Variants in PAFAH1B1 observed in about 807,000 individuals in gnomAD.
PAFAH1B1 encodes the protein platelet activating factor acetylhydrolase 1b regulatory subunit 1, also known as platelet-activating factor acetylhydrolase IB subunit beta.
In PAFAH1B1, 2 loss-of-function variants were observed where a neutral mutation model predicts 57.5. The ratio of observed to expected loss-of-function variants is 0.03; its 90% CI spans 0.01 to 0.11. The LOEUF (loss-of-function observed/expected upper bound fraction) is 0.11. PAFAH1B1 is among the 10% of genes least tolerant of loss of function. The pLI, the probability that PAFAH1B1 is intolerant of heterozygous loss-of-function variation, is 1.00. For missense variants in PAFAH1B1, 257 were observed against 512.0 expected (o/e 0.50, Z 4.81); for synonymous variants, 152 against 169.6 (o/e 0.90, Z 0.81).
intron 2 of PAFAH1B1, among the ~76,000 whole-genome samples, chr17:2,645,352 C>G (rs992053403): frequency 4.0e-5 from 6 of 151,838 alleles, no homozygotes; most frequent in Non-Finnish European, 7.4e-5. Context: ...CATCCCAGCA[C>G]TTTGGGAGGC....
intron 2 of PAFAH1B1, among the ~76,000 whole-genome samples, chr17:2,649,456 C>G (rs2068819562): frequency 6.6e-6 from 1 of 151,370 alleles, no homozygotes; most frequent in African/African-American, 2.4e-5. Flanking sequence ...CGCCTGTAGT[C>G]CCACATACTT....
intron 6 of PAFAH1B1, among the ~76,000 whole-genome samples, chr17:2,671,440 C>G (rs2069179724): frequency 6.6e-6 from 1 of 152,056 alleles, no homozygotes. Context: ...AACTCCTGAC[C>G]TCCTGATCTG....
chr17:2,646,223 T>C (rs1246933154), intron 2 of PAFAH1B1, among the ~76,000 whole-genome samples: 1 of 152,150 alleles, frequency 6.6e-6, no homozygotes, highest in African/African-American at 2.4e-5. Context: ...ACTAGCTTTT[T>C]AAAAAGACCA....
At chr17:2,627,647 G>A (rs1050435721) in intron 1 of PAFAH1B1, among the ~76,000 whole-genome samples, 2 of 152,118 alleles carry the variant, frequency 1.3e-5, no homozygotes, top group Admixed American at 1.3e-4. Flanking sequence ...TTTTGATGGG[G>A]ATTGTGTTGA....
intron 2 of PAFAH1B1, among the ~76,000 whole-genome samples, chr17:2,642,661 C>T (rs764163927): frequency 3.9e-5 from 6 of 152,170 alleles, no homozygotes; most frequent in African/African-American, 1.4e-4. Flanking sequence ...CATACTTCCA[C>T]GAAGACCAGA....
intron 6 of PAFAH1B1, 43 bp from the exon 7 acceptor site, chr17:2,672,611 TG>T: frequency 7.9e-7 from 1 of 1,261,868 alleles, no homozygotes; most frequent in South Asian, 1.2e-5. Context: ...TCATTGCTCT[TG>T]GTGGTATATT....
At chr17:2,664,488 C>T (rs1423049117) in intron 2 of PAFAH1B1, among the ~76,000 whole-genome samples, 1 of 150,356 alleles carries the variant, frequency 6.7e-6, no homozygotes, top group Non-Finnish European at 1.5e-5. Flanking sequence ...TCACTGCAAT[C>T]TCCGCCTCCC....
rs374711300 is a variant in PAFAH1B1 at position 2,671,845 on chromosome 17, C to T, written c.569-810C>T. ...CTTGAACTCCTGACCTCAGGTGATC[C>T]GCCCGCCTCGGCCTCCCAAAGTGCT... On this transcript the variant is annotated intron_variant, in intron 6 of 10. Transcript: ENST00000397195. 2.0e-3 allele frequency among the ~76,000 whole-genome samples: 303 copies of T among 151,742 alleles called. 1 individual carries two copies. The South Asian group carries it at 0.025, about 12-fold the overall frequency.
intron 1 of PAFAH1B1, among the ~76,000 whole-genome samples, chr17:2,634,410 T>G (rs1316436729): frequency 1.3e-5 from 2 of 152,186 alleles, no homozygotes; most frequent in Non-Finnish European, 2.9e-5. Flanking sequence ...GTCCTGAGAT[T>G]ACAGGCATGA....
At chr17:2,666,896 T>TA in intron 4 of PAFAH1B1, 96 bp from the exon 5 acceptor site, 1 of 812,224 alleles carries the variant, frequency 1.2e-6, no homozygotes, top group Admixed American at 2.1e-5. Flanking sequence ...TCAAGTATCC[T>TA]ACATACATAG....
intron 1 of PAFAH1B1, among the ~76,000 whole-genome samples, chr17:2,625,249 G>A (rs1239453541): frequency 1.3e-5 from 2 of 152,064 alleles, no homozygotes; most frequent in African/African-American, 2.4e-5. Flanking sequence ...TCTGGATATT[G>A]ACATGCAAAT....
intron 2 of PAFAH1B1, among the ~76,000 whole-genome samples, chr17:2,646,777 T>A (rs536327193): frequency 8.5e-5 from 13 of 152,126 alleles, no homozygotes; most frequent in Non-Finnish European, 1.8e-4. Flanking sequence ...TAGAGAACAT[T>A]GTAACATTAA....
chr17:2,638,287 A>G lies in PAFAH1B1; in HGVS notation c.-2A>G. On this transcript the variant is annotated 5_prime_UTR_variant, in exon 2 of 11. Transcript: ENST00000397195. ...TCAGATAAGCTTGACATTACAGCCAAGATGGTGCTGTCCCAGAGACAACGA... is the reference window on the plus strand; with the variant it reads ...TCAGATAAGCTTGACATTACAGCCAGGATGGTGCTGTCCCAGAGACAACGA... The G allele has an allele frequency of 6.2e-7, 1 of 1,612,460 alleles. No individual in the cohort carries two copies. Among genetic ancestry groups the G allele is most frequent in the African/African-American group, 1.3e-5 (1 of 75,006 alleles).
chr17:2,632,253 T>C (rs550960058), intron 1 of PAFAH1B1, among the ~76,000 whole-genome samples: 155 of 152,326 alleles, frequency 1.0e-3, no homozygotes, highest in African/African-American at 3.4e-3. Flanking sequence ...TGAAAGATTT[T>C]TAAAAATAGC....
At chr17:2,626,811 C>T (rs2068500093) in intron 1 of PAFAH1B1, among the ~76,000 whole-genome samples, 1 of 152,074 alleles carries the variant, frequency 6.6e-6, no homozygotes, top group Non-Finnish European at 1.5e-5. Flanking sequence ...CATCGACCTC[C>T]CAGAGTGCTG....
chr17:2,604,424 G>C (rs1362722470), intron 1 of PAFAH1B1, among the ~76,000 whole-genome samples: 2 of 152,178 alleles, frequency 1.3e-5, no homozygotes, highest in African/African-American at 4.8e-5. Flanking sequence ...GGTATACCTT[G>C]TATGTGACCT....
At chr17:2,637,843 T>C (rs1485625740) in intron 1 of PAFAH1B1, among the ~76,000 whole-genome samples, 1 of 152,194 alleles carries the variant, frequency 6.6e-6, no homozygotes, top group African/African-American at 2.4e-5. Context: ...ATCTGGCAGG[T>C]TAACATGATT....
rs1396708777 is a variant in PAFAH1B1, at chr17:2,621,605, GTCTTTTTTTTTTTTTTTT to G, written c.-190-16492_-190-16475del. Among the ~76,000 whole-genome samples, 223 of 93,238 alleles carry G rather than the reference GTCTTTTTTTTTTTTTTTT, an allele frequency of 2.4e-3. 9 individuals carry two copies. The highest frequency in any genetic ancestry group is 9.6e-3 in the African/African-American group (205 of 21,342). 61.2% of individuals were successfully genotyped at this position (93,238 alleles called of 152,430 possible). A position where few individuals can be genotyped will look rare whatever the true frequency, so the allele number is the denominator to read the frequency against. ...GCTATTCAAGCATGGTAGATAATCT[GTCTTTTTTTTTTTTTTTT>G]TTTTTTTTTTTTTTTTTTTTGAGAC... On this transcript the variant is annotated intron_variant, in intron 1 of 10. Coordinates refer to ENST00000397195, the MANE Select transcript of PAFAH1B1 (RefSeq NM_000430.4).
In PAFAH1B1 at chr17:2,682,010, A is replaced by AAGT. The variant is rs2069391333; in HGVS notation, c.*210_*212dup. 1.8e-6 allele frequency: 1 copy of AAGT among 541,604 alleles called. No individual in the cohort carries two copies. The highest frequency in any genetic ancestry group is 3.4e-5 in the Admixed American group (1 of 29,812). 33.5% of individuals were successfully genotyped at this position (541,604 alleles called of 1,614,324 possible). ...CTGTAAATTTACATACGTTGTCTAGAAGTACCATAGGGTTTAAAAACCTGG... is the reference window on the plus strand; with the variant it reads ...CTGTAAATTTACATACGTTGTCTAGAAGTAGTACCATAGGGTTTAAAAACCTGG... On this transcript the variant is annotated 3_prime_UTR_variant, in exon 11 of 11. Transcript: ENST00000397195.
Sources: allele counts gnomAD v4.1 joint callset (sites outside exome capture counted in the v4.1 genomes callset), GRCh38; gene constraint gnomAD v4.1.1; transcripts MANE v1.5; gene names NCBI Gene and HGNC (gene_info 2026-07-23, HGNC 2026-07-21).